The following TRHR variants were observed in gnomAD, a reference collection of about 807,000 sequenced individuals.
The protein encoded by TRHR is thyrotropin releasing hormone receptor.
TRHR carries 14 observed loss-of-function variants against 28.0 expected under a neutral mutation model. The ratio of observed to expected loss-of-function variants is 0.50; its 90% CI spans 0.33 to 0.78. TRHR has a LOEUF of 0.78. Ranked by LOEUF, TRHR falls within the 30% of genes least tolerant of loss-of-function variation. TRHR has a pLI of 0.02. For synonymous variants in TRHR, 176 were observed against 171.9 expected (o/e 1.02, Z -0.18); for missense variants, 438 against 469.5 (o/e 0.93, Z 0.62).
chr8:109,098,078 C>T (rs1291989311), intron 2 of TRHR, among the ~76,000 whole-genome samples: 1 of 151,926 alleles, frequency 6.6e-6, no homozygotes, highest in Admixed American at 6.6e-5. Flanking sequence ...GAAGGCTGAT[C>T]TCCTGCCTTG....
At chr8:109,088,977 A>T (rs1241697878) in intron 2 of TRHR, among the ~76,000 whole-genome samples, 2 of 152,188 alleles carry the variant, frequency 1.3e-5, no homozygotes, top group East Asian at 3.8e-4. Context: ...AAATTTTTTT[A>T]AAAATCGGTT....
chr8:109,090,593 T>A (rs959896712), intron 2 of TRHR, among the ~76,000 whole-genome samples: 2 of 152,192 alleles, frequency 1.3e-5, no homozygotes, highest in African/African-American at 4.8e-5. Context: ...TAGTGTGTCT[T>A]GTAATTCAAC....
intron 2 of TRHR, among the ~76,000 whole-genome samples, chr8:109,100,067 C>A (rs1475857681): frequency 2.6e-5 from 4 of 152,136 alleles, no homozygotes; most frequent in East Asian, 3.8e-4. Context: ...GTGACTCAAG[C>A]CCCTGGCAAT....
In TRHR at chr8:109,086,775, A is replaced by T. The variant is rs1350816865; in HGVS notation, c.-197A>T. 6.6e-6 allele frequency: 1 copy of T among 152,458 alleles called. No homozygotes were observed. The highest frequency in any genetic ancestry group is 1.5e-5 in the Non-Finnish European group (1 of 68,250). The allele number at this position is 152,458 out of a possible 1,614,324, so 9.4% of individuals were successfully genotyped here. On this transcript the variant is annotated 5_prime_UTR_variant, in exon 1 of 3. The change creates a new upstream start codon in the 5' untranslated region. Transcript: ENST00000518632. ...CAGTTTTAAAGACTGAGCACTGCTA[A>T]GTGGTCTCCCTCTCAAATAGAGTAG...
At chr8:109,100,957 A>T (rs1811670694) in intron 2 of TRHR, among the ~76,000 whole-genome samples, 1 of 152,208 alleles carries the variant, frequency 6.6e-6, no homozygotes, top group Non-Finnish European at 1.5e-5. Flanking sequence ...AAGTCTGGGC[A>T]ACAAAAGATG....
At chr8:109,104,648 C>T (rs1364678735) in intron 2 of TRHR, among the ~76,000 whole-genome samples, 1 of 151,920 alleles carries the variant, frequency 6.6e-6, no homozygotes, top group African/African-American at 2.4e-5. Context: ...GGACATTTTC[C>T]CATCAGTAGC....
intron 2 of TRHR, among the ~76,000 whole-genome samples, chr8:109,113,010 T>G (rs1360097496): frequency 2.0e-5 from 3 of 152,094 alleles, no homozygotes; most frequent in Non-Finnish European, 4.4e-5. Context: ...CCACTCAGGA[T>G]TTGGAGCATT....
intron 2 of TRHR, among the ~76,000 whole-genome samples, chr8:109,095,161 A>G (rs1252440015): frequency 2.0e-5 from 3 of 152,120 alleles, no homozygotes; most frequent in Non-Finnish European, 4.4e-5. Flanking sequence ...GCACTATCCT[A>G]GGTATAGAGG....
At chr8:109,108,428 A>C (rs943064282) in intron 2 of TRHR, among the ~76,000 whole-genome samples, 18 of 152,190 alleles carry the variant, frequency 1.2e-4, no homozygotes, top group African/African-American at 4.1e-4. Flanking sequence ...GAGGCTGTGA[A>C]ATATCTCCCC....
intron 2 of TRHR, among the ~76,000 whole-genome samples, chr8:109,116,686 TCTCTC>T (rs1296720742): frequency 6.6e-6 from 1 of 152,106 alleles, no homozygotes; most frequent in Non-Finnish European, 1.5e-5. Context: ...ATTTCATTCT[TCTCTC>T]TTTTCTTCTT....
chr8:109,113,937 C>T (rs1252966886), intron 2 of TRHR, among the ~76,000 whole-genome samples: 2 of 151,880 alleles, frequency 1.3e-5, no homozygotes, highest in Non-Finnish European at 2.9e-5. Flanking sequence ...CATATATAGC[C>T]CTCTTGAGGA....
chr8:109,088,045 C>T lies in TRHR; in HGVS notation c.533C>T (p.Ser178Phe), dbSNP rs778987369. 2.5e-6 allele frequency: 4 copies of T among 1,614,072 alleles called. No individual in the cohort carries two copies. Among genetic ancestry groups the T allele is most frequent in the Non-Finnish European group, 3.4e-6 (4 of 1,180,028 alleles). The change falls in exon 2 of 3, where the codon TCC (serine) becomes TTC (phenylalanine). Residue 178 changes from serine (S) to phenylalanine (F), a missense_variant. Ser to Phe is a radical substitution (Grantham distance 155). Transcript: ENST00000518632. ...ISTYKDAIVI[S>F]CGYKISRNYY... Reference sequence around the variant, plus strand: ...ACCTACAAAGATGCTATTGTGATATCCTGTGGCTACAAGATCTCCAGGAAT... The same window carrying T: ...ACCTACAAAGATGCTATTGTGATATTCTGTGGCTACAAGATCTCCAGGAAT...
chr8:109,088,267 G>A lies in TRHR; in HGVS notation c.755G>A (p.Arg252Lys). ...AATCTGAATGTAAATACCTCTAATAGATGTTTCAACAGCACAGTATCTTCA... is the reference window on the plus strand; with the variant it reads ...AATCTGAATGTAAATACCTCTAATAAATGTTTCAACAGCACAGTATCTTCA... ...NTNLNVNTSN[R>K]CFNSTVSSRK... Residue 252 changes from arginine (R) to lysine (K), a missense_variant, in exon 2 of 3, where the codon AGA (arginine) becomes AAA (lysine). Arg to Lys is a conservative substitution (Grantham distance 26). Coordinates refer to ENST00000518632, the MANE Select transcript of TRHR (RefSeq NM_003301.7). The A allele has an allele frequency of 6.2e-7, 1 of 1,613,944 alleles. No homozygotes were observed. Among genetic ancestry groups the A allele is most frequent in the Non-Finnish European group, 8.5e-7 (1 of 1,180,016 alleles).
intron 2 of TRHR, among the ~76,000 whole-genome samples, chr8:109,098,650 T>A (rs141154025): frequency 1.3e-5 from 2 of 152,208 alleles, no homozygotes; most frequent in East Asian, 3.9e-4. Flanking sequence ...CTGCCCTCTG[T>A]CCCCCAACAC....
chr8:109,093,856 T>TAA (rs77744561), intron 2 of TRHR, among the ~76,000 whole-genome samples: 154 of 140,862 alleles, frequency 1.1e-3, no homozygotes, highest in Middle Eastern at 3.6e-3. Flanking sequence ...CCAACTCATT[T>TAA]AAAAAAAAAA....
At chr8:109,095,239 A>T (rs1457415372) in intron 2 of TRHR, among the ~76,000 whole-genome samples, 1 of 152,126 alleles carries the variant, frequency 6.6e-6, no homozygotes, top group Non-Finnish European at 1.5e-5. Context: ...TACACAAACA[A>T]TTCTGAGCAT....
intron 2 of TRHR, 98 bp downstream of exon 2, chr8:109,088,399 C>G: frequency 8.2e-7 from 1 of 1,222,694 alleles, no homozygotes; most frequent in Admixed American, 1.9e-5. Context: ...ATGGCGAAAC[C>G]AAAATACAAT....
At chr8:109,090,021 A>T (rs4386952) in intron 2 of TRHR, among the ~76,000 whole-genome samples, 44,360 of 152,114 alleles carry the variant, frequency 0.29, 6,762 homozygotes, top group South Asian at 0.46. Context: ...GTTACCGATA[A>T]GCTGTCCTTA....
At position 109,106,305 on chromosome 8, in the gene TRHR, G is replaced by A. The variant is rs1357265754; in HGVS notation, c.790-12743G>A. 2.6e-5 allele frequency among the ~76,000 whole-genome samples: 4 copies of A among 151,672 alleles called. No individual in the cohort carries two copies. The East Asian group carries it at 8.1e-4, about 31-fold the overall frequency. Reference sequence around the variant, plus strand: ...AAAAGATTGAATATGACAGCTGACAGATAGGACAGAGCAAGAATACCTGTC... The same window carrying A: ...AAAAGATTGAATATGACAGCTGACAAATAGGACAGAGCAAGAATACCTGTC... On this transcript the variant is annotated intron_variant, in intron 2 of 2. Coordinates refer to ENST00000518632, the MANE Select transcript of TRHR (RefSeq NM_003301.7).
Sources: allele counts gnomAD v4.1 joint callset (sites outside exome capture counted in the v4.1 genomes callset), GRCh38; gene constraint gnomAD v4.1.1; transcripts MANE v1.5; gene names NCBI Gene and HGNC (gene_info 2026-07-23, HGNC 2026-07-21).